The following TSPAN18 variants were observed in gnomAD, a reference collection of about 807,000 sequenced individuals.
TSPAN18 encodes the protein tetraspanin 18, also known as tetraspanin-18.
A neutral mutation model predicts 27.3 loss-of-function variants in TSPAN18; 14 were observed. The ratio of observed to expected loss-of-function variants is 0.51; its 90% CI spans 0.34 to 0.80. TSPAN18 has a LOEUF of 0.80. Ranked by LOEUF, TSPAN18 falls within the 30% of genes least tolerant of loss-of-function variation. The pLI is 0.01. For missense variants in TSPAN18, 268 were observed against 323.9 expected (o/e 0.83, Z 1.32); for synonymous variants, 143 against 136.5 (o/e 1.05, Z -0.33).
intron 3 of TSPAN18, among the ~76,000 whole-genome samples, chr11:44,900,218 G>C (rs559415087): frequency 1.3e-5 from 2 of 152,362 alleles, no homozygotes; most frequent in South Asian, 4.1e-4. Context: ...ATAGGGGATG[G>C]AGCAGGCAAG....
Position 44,727,193 on chromosome 11 carries a change from G to A in TSPAN18, c.-334G>A, listed in dbSNP as rs867378824. On this transcript the variant is annotated 5_prime_UTR_variant, in exon 1 of 10. Coordinates refer to ENST00000520358, the MANE Select transcript of TSPAN18 (RefSeq NM_130783.5). ...CGCCACCGCCGGGAAGGCAGCCGGC[G>A]CCGGGCAAGTTGCGAGCGCGCCCCT... 6.6e-6 allele frequency: 1 copy of A among 151,144 alleles called. No individual in the cohort carries two copies. The highest frequency in any genetic ancestry group is 1.9e-4 in the East Asian group (1 of 5,148). The allele number at this position is 151,144 out of a possible 1,614,324, so 9.4% of individuals were successfully genotyped here.
intron 2 of TSPAN18, among the ~76,000 whole-genome samples, chr11:44,849,292 C>T (rs1295386414): frequency 2.0e-5 from 3 of 152,140 alleles, no homozygotes; most frequent in Non-Finnish European, 4.4e-5. Flanking sequence ...TCCCTAAAAG[C>T]AGGACCTGAG....
At chr11:44,910,057 G>A (rs556012673) in intron 5 of TSPAN18, among the ~76,000 whole-genome samples, 158 bp downstream of exon 5, 2 of 152,282 alleles carry the variant, frequency 1.3e-5, no homozygotes, top group South Asian at 2.1e-4. Flanking sequence ...GAGCACGTCT[G>A]ACCCCACTCA....
intron 2 of TSPAN18, among the ~76,000 whole-genome samples, chr11:44,846,606 T>TGTGTGTGTGTG (rs576341145): frequency 0.026 from 3,902 of 151,208 alleles, 153 homozygotes; most frequent in African/African-American, 0.086. Context: ...GTGTGTGTGT[T>TGTGTGTGTGTG]TGTGTGTGTG....
chr11:44,820,110 A>G (rs1856897049), intron 2 of TSPAN18, among the ~76,000 whole-genome samples: 1 of 152,180 alleles, frequency 6.6e-6, no homozygotes, highest in Non-Finnish European at 1.5e-5. Context: ...GAAGAATTCT[A>G]TCTCTGGCCA....
At chr11:44,863,688 T>A (rs1300431825) in intron 3 of TSPAN18, among the ~76,000 whole-genome samples, 2 of 152,188 alleles carry the variant, frequency 1.3e-5, no homozygotes, top group Non-Finnish European at 2.9e-5. Context: ...TTTGTCAAGC[T>A]CCTTCCGCTT....
chr11:44,906,610 GC>G, intron 4 of TSPAN18, 131 bp downstream of exon 4: 1 of 856,396 alleles, frequency 1.2e-6, no homozygotes, highest in Non-Finnish European at 1.9e-6. Flanking sequence ...GTACCTGCCA[GC>G]CAGGCTTTCA....
At chr11:44,869,988 G>A (rs1014106141) in intron 3 of TSPAN18, among the ~76,000 whole-genome samples, 2 of 88,984 alleles carry the variant, frequency 2.2e-5, no homozygotes, top group South Asian at 5.0e-4. Context: ...GCCTCAGCCC[G>A]CAGTGCCACA....
At chr11:44,830,483 G>A (rs1040274665) in intron 2 of TSPAN18, among the ~76,000 whole-genome samples, 3 of 152,178 alleles carry the variant, frequency 2.0e-5, no homozygotes, top group African/African-American at 7.2e-5. Flanking sequence ...CAGTTTAGTT[G>A]GGCAGACAAG....
intron 2 of TSPAN18, among the ~76,000 whole-genome samples, chr11:44,836,635 G>GACTTTCA (rs1181394613): frequency 6.6e-6 from 1 of 152,186 alleles, no homozygotes; most frequent in African/African-American, 2.4e-5. Flanking sequence ...TACCATCTAG[G>GACTTTCA]ACTTTCATAG....
chr11:44,834,099 A>G (rs190576815), intron 2 of TSPAN18, among the ~76,000 whole-genome samples: 58 of 151,968 alleles, frequency 3.8e-4, no homozygotes, highest in African/African-American at 1.3e-3. Context: ...GGCAGGAACC[A>G]CGAGATTGCT....
At position 44,763,865 on chromosome 11, in the gene TSPAN18, T is replaced by G. The variant is rs975431312; in HGVS notation, c.-239-561T>G. On this transcript the variant is annotated intron_variant, in intron 1 of 9. Transcript: ENST00000520358. ...CTTTCCAGCTGTATTAGTCCATTCT[T>G]GCACTGCTGTAAAGAAATACCTGAG... 2.6e-5 allele frequency among the ~76,000 whole-genome samples: 4 copies of G among 152,154 alleles called. No individual in the cohort carries two copies. In the South Asian group the frequency reaches 8.3e-4, roughly 32 times the overall value.
rs562284578 is a variant in TSPAN18, at chr11:44,790,521, T to C, written c.-153+26009T>C. ...CATATGTTTGTGTGTGCATGTGTTT[T>C]TGGTGTGTGCATGTGTGTGCATGTT... On this transcript the variant is annotated intron_variant, in intron 2 of 9. Coordinates refer to ENST00000520358, the MANE Select transcript of TSPAN18 (RefSeq NM_130783.5). 4.0e-5 allele frequency among the ~76,000 whole-genome samples: 6 copies of C among 150,038 alleles called. No individual in the cohort carries two copies. In the South Asian group the frequency reaches 1.3e-3, roughly 32 times the overall value.
chr11:44,777,098 G>T (rs1013755820), intron 2 of TSPAN18, among the ~76,000 whole-genome samples: 1 of 152,224 alleles, frequency 6.6e-6, no homozygotes, highest in African/African-American at 2.4e-5. Context: ...ACCTAGATGG[G>T]AGACTTCTGC....
At chr11:44,804,206 C>T (rs372035312) in intron 2 of TSPAN18, among the ~76,000 whole-genome samples, 10 of 152,252 alleles carry the variant, frequency 6.6e-5, no homozygotes, top group East Asian at 5.8e-4. Flanking sequence ...CGGGTTCAAG[C>T]GATTCTCCTG....
At chr11:44,743,536 ATG>A (rs1441794323) in intron 1 of TSPAN18, among the ~76,000 whole-genome samples, 2 of 152,198 alleles carry the variant, frequency 1.3e-5, no homozygotes, top group African/African-American at 4.8e-5. Flanking sequence ...GAAGCCGAGA[ATG>A]GCGCTGGTGG....
At chr11:44,925,967 C>G (rs148802154) in intron 8 of TSPAN18, among the ~76,000 whole-genome samples, 3 of 152,008 alleles carry the variant, frequency 2.0e-5, no homozygotes, top group Non-Finnish European at 4.4e-5. Context: ...CTATCTATCT[C>G]GATCTCGATC....
In TSPAN18 at chr11:44,882,587, G is replaced by GACACACACAC. The variant is rs748475836; in HGVS notation, c.-11+22150_-11+22159dup. ...TCACCAGGAAATGGTCAGAGAGAGAGACACACACACACACACACACACACA... is the reference window on the plus strand; with the variant it reads ...TCACCAGGAAATGGTCAGAGAGAGAGACACACACACACACACACACACACACACACACACA... On this transcript the variant is annotated intron_variant, in intron 3 of 9. Coordinates refer to ENST00000520358, the MANE Select transcript of TSPAN18 (RefSeq NM_130783.5). Among the ~76,000 whole-genome samples, 140 of 130,834 alleles carry GACACACACAC rather than the reference G, an allele frequency of 1.1e-3. 2 individuals carry two copies. The highest frequency in any genetic ancestry group is 3.8e-3 in the African/African-American group (127 of 33,518). 85.8% of individuals were successfully genotyped at this position (130,834 alleles called of 152,430 possible).
intron 2 of TSPAN18, among the ~76,000 whole-genome samples, chr11:44,856,860 C>T (rs1334509659): frequency 6.6e-6 from 1 of 151,230 alleles, no homozygotes; most frequent in Non-Finnish European, 1.5e-5. Flanking sequence ...ACACTTCCCT[C>T]TGTCTTCCTA....
Sources: gnomAD v4.1 joint callset for allele counts (sites outside exome capture counted in the v4.1 genomes callset) on GRCh38, gnomAD v4.1.1 for gene constraint, MANE v1.5 for transcripts, NCBI Gene and HGNC (gene_info 2026-07-23, HGNC 2026-07-21) for gene names.